ADCY2: variants seen among roughly 807,000 people sequenced by gnomAD.
ADCY2 encodes the protein adenylate cyclase type 2.
A neutral mutation model predicts 125.2 loss-of-function variants in ADCY2; 31 were observed. That is an observed-to-expected ratio of 0.25 (90% CI 0.19 to 0.33). ADCY2 has a LOEUF of 0.33. ADCY2 is among the 10% of genes least tolerant of loss of function. ADCY2 has a pLI of 1.00. For missense variants in ADCY2, 904 were observed against 1,418.2 expected (o/e 0.64, Z 5.82); for synonymous variants, 512 against 548.4 (o/e 0.93, Z 0.93).
chr5:7,551,501 AG>A (rs1735340218), intron 3 of ADCY2, among the ~76,000 whole-genome samples: 1 of 152,216 alleles, frequency 6.6e-6, no homozygotes, highest in South Asian at 2.1e-4. Flanking sequence ...TTCCATATAA[AG>A]ACTCAAAAGT....
intron 4 of ADCY2, among the ~76,000 whole-genome samples, chr5:7,658,399 T>TTGTGTGTGTGTGTGTGTGTGTG (rs369870574): frequency 7.6e-6 from 1 of 130,944 alleles, no homozygotes; most frequent in Non-Finnish European, 1.6e-5. Context: ...GTGAAGAGAA[T>TTGTGTGTGTGTGTGTGTGTGTG]TGTGTGTGTG....
At chr5:7,603,566 G>A (rs1737288499) in intron 3 of ADCY2, among the ~76,000 whole-genome samples, 2 of 152,172 alleles carry the variant, frequency 1.3e-5, no homozygotes, top group South Asian at 2.1e-4. Context: ...CTCCTTGGAC[G>A]GAGAGTGCCC....
chr5:7,436,350 C>T (rs1443199836), intron 2 of ADCY2, among the ~76,000 whole-genome samples: 1 of 152,130 alleles, frequency 6.6e-6, no homozygotes, highest in Non-Finnish European at 1.5e-5. Flanking sequence ...ATAAAATAAC[C>T]TATGGAAATG....
intron 2 of ADCY2, among the ~76,000 whole-genome samples, chr5:7,443,269 A>G (rs1444867895): frequency 6.6e-6 from 1 of 152,142 alleles, no homozygotes; most frequent in Non-Finnish European, 1.5e-5. Context: ...AAATTATGAG[A>G]TCGGAACTTC....
intron 2 of ADCY2, among the ~76,000 whole-genome samples, chr5:7,475,568 G>A (rs1742493404): frequency 6.6e-6 from 1 of 152,150 alleles, no homozygotes; most frequent in African/African-American, 2.4e-5. Flanking sequence ...TTTTAGTAGA[G>A]ACGGAGTTTC....
At chr5:7,483,036 A>G (rs1742796207) in intron 2 of ADCY2, among the ~76,000 whole-genome samples, 1 of 151,902 alleles carries the variant, frequency 6.6e-6, no homozygotes, top group Non-Finnish European at 1.5e-5. Context: ...AGAGGGATGA[A>G]GAGACATTGG....
At chr5:7,492,112 T>G (rs986927699) in intron 2 of ADCY2, among the ~76,000 whole-genome samples, 1 of 152,098 alleles carries the variant, frequency 6.6e-6, no homozygotes, top group Non-Finnish European at 1.5e-5. Flanking sequence ...GACTTGGGTT[T>G]TCAGTAGGAA....
At chr5:7,543,521 G>A (rs544976270) in intron 3 of ADCY2, among the ~76,000 whole-genome samples, 1 of 152,254 alleles carries the variant, frequency 6.6e-6, no homozygotes, top group African/African-American at 2.4e-5. Flanking sequence ...TCAGCTGCCA[G>A]TCCTAGGTTC....
At chr5:7,438,205 A>G (rs1387429581) in intron 2 of ADCY2, among the ~76,000 whole-genome samples, 1 of 152,198 alleles carries the variant, frequency 6.6e-6, no homozygotes, top group East Asian at 1.9e-4. Context: ...TGAAAGCCTC[A>G]AAACTGACTC....
intron 22 of ADCY2, among the ~76,000 whole-genome samples, chr5:7,808,561 G>A (rs542877795): frequency 4.6e-5 from 7 of 152,244 alleles, no homozygotes; most frequent in Non-Finnish European, 5.9e-5. Flanking sequence ...ACTGAGGCAC[G>A]GAGCAGTCAA....
chr5:7,396,275 G>A lies in ADCY2; in HGVS notation c.-22G>A, dbSNP rs1739024640. Reference sequence around the variant, plus strand: ...GCTGCCCGGGCCGGGCGCGCACGGCGGGCGCCCTGTGAGCGGCCCCGATGT... The same window carrying A: ...GCTGCCCGGGCCGGGCGCGCACGGCAGGCGCCCTGTGAGCGGCCCCGATGT... On this transcript the variant is annotated 5_prime_UTR_variant, in exon 1 of 25. Transcript: ENST00000338316. This position sits in a 1 kb window ranked among gnomAD's most constrained non-coding sequence, Gnocchi z 5.7. The A allele has an allele frequency of 1.7e-6, 2 of 1,152,918 alleles. No homozygotes were observed. Among genetic ancestry groups the A allele is most frequent in the Admixed American group, 5.1e-5 (1 of 19,670 alleles). 71.4% of individuals were successfully genotyped at this position (1,152,918 alleles called of 1,614,324 possible). A position where few individuals can be genotyped will look rare whatever the true frequency, so the allele number is the denominator to read the frequency against.
At chr5:7,650,835 G>T (rs1043452666) in intron 4 of ADCY2, among the ~76,000 whole-genome samples, 2 of 152,172 alleles carry the variant, frequency 1.3e-5, no homozygotes, top group Non-Finnish European at 2.9e-5. Flanking sequence ...ATTGAGCAAG[G>T]CGGGATGGCT....
chr5:7,743,040 T>G (rs1742486177), intron 14 of ADCY2, among the ~76,000 whole-genome samples: 1 of 152,214 alleles, frequency 6.6e-6, no homozygotes, highest in Non-Finnish European at 1.5e-5. Flanking sequence ...TTCTTATAAG[T>G]AAGCCTGTAA....
chr5:7,557,192 G>GATATATAGATATATCT (rs1204974635), intron 3 of ADCY2, among the ~76,000 whole-genome samples: 2 of 80,656 alleles, frequency 2.5e-5, no homozygotes, highest in Non-Finnish European at 7.4e-5. Flanking sequence ...TTATATATGT[G>GATATATAGATATATCT]ATATATATAA....
intron 3 of ADCY2, among the ~76,000 whole-genome samples, chr5:7,610,153 A>T (rs1205818272): frequency 1.3e-5 from 2 of 152,190 alleles, no homozygotes; most frequent in South Asian, 4.1e-4. Flanking sequence ...GGCTAGAGGT[A>T]TATCTTTGGG....
At chr5:7,570,812 G>A (rs533398685) in intron 3 of ADCY2, among the ~76,000 whole-genome samples, 1 of 152,132 alleles carries the variant, frequency 6.6e-6, no homozygotes, top group Admixed American at 6.6e-5. Flanking sequence ...TTTCATGGGA[G>A]TAAAACTCTG....
chr5:7,484,615 C>T (rs1167121786), intron 2 of ADCY2, among the ~76,000 whole-genome samples: 1 of 152,172 alleles, frequency 6.6e-6, no homozygotes, highest in African/African-American at 2.4e-5. Context: ...TTTAAGCAAT[C>T]TGAAGAGCTT....
intron 2 of ADCY2, among the ~76,000 whole-genome samples, chr5:7,498,252 T>G (rs1307507931): frequency 7.2e-6 from 1 of 137,940 alleles, no homozygotes; most frequent in Non-Finnish European, 1.6e-5. Context: ...TTTTTTTTTT[T>G]TTTTTTTTTT....
chr5:7,498,242 T>G (rs1233888520), intron 2 of ADCY2, among the ~76,000 whole-genome samples: 36 of 131,682 alleles, frequency 2.7e-4, no homozygotes, highest in African/African-American at 1.0e-3. Flanking sequence ...TTTTTTCGTT[T>G]TTTTTTTTTT....
Sources: gnomAD v4.1 joint callset for allele counts (sites outside exome capture counted in the v4.1 genomes callset) on GRCh38, gnomAD v4.1.1 for gene constraint, Gnocchi (gnomAD v3.1) non-coding constraint, MANE v1.5 for transcripts, NCBI Gene and HGNC (gene_info 2026-07-23, HGNC 2026-07-21) for gene names.